BCAR3: variants seen among roughly 807,000 people sequenced by gnomAD.
The protein encoded by BCAR3 is BCAR3 adaptor protein, NSP family member.
BCAR3 carries 37 observed loss-of-function variants against 80.1 expected under a neutral mutation model. The ratio of observed to expected loss-of-function variants is 0.46; its 90% CI spans 0.36 to 0.61. The LOEUF (loss-of-function observed/expected upper bound fraction) is 0.61, where lower values mean the gene tolerates loss of function less well. Ranked by LOEUF, BCAR3 falls within the 20% of genes least tolerant of loss-of-function variation. The pLI is 0.00. For synonymous variants in BCAR3, 389 were observed against 418.9 expected, an observed-to-expected ratio of 0.93 and a Z score of 0.87; for missense variants, 978 against 1,068.2, an observed-to-expected ratio of 0.92 and a Z score of 1.18.
chr1:93,595,148 A>G (rs1362374159), intron 3 of BCAR3, among the ~76,000 whole-genome samples: 1 of 152,350 alleles, frequency 6.6e-6, no homozygotes, highest in East Asian at 1.9e-4. Flanking sequence ...TATTACAGGA[A>G]AGTACCTAGA....
At chr1:93,653,744 G>A (rs1343610583) in intron 2 of BCAR3, among the ~76,000 whole-genome samples, 1 of 152,226 alleles carries the variant, frequency 6.6e-6, no homozygotes, top group African/African-American at 2.4e-5. Flanking sequence ...ATCTGAGCTA[G>A]GTTTGGAGCA....
At chr1:93,822,032 G>T (rs552889138) in intron 2 of BCAR3, among the ~76,000 whole-genome samples, 4 of 152,268 alleles carry the variant, frequency 2.6e-5, no homozygotes, top group Admixed American at 2.6e-4. Flanking sequence ...AGGGAAGCTG[G>T]GATATGCTTG....
In BCAR3 at chr1:93,562,166, CAA is replaced by C. The variant is rs1461829668; in HGVS notation, c.*73_*74del. On this transcript the variant is annotated 3_prime_UTR_variant, in exon 12 of 12. Coordinates refer to ENST00000260502, the MANE Select transcript of BCAR3 (RefSeq NM_003567.4). The stretch of plus-strand genomic sequence containing the variant: ...TCAGATTTGCACATTATTACTTTAT[CAA>C]AAACAGTAAGCTTTCCCAAAGATGA... 3 of 1,471,828 alleles carry C rather than the reference CAA, an allele frequency of 2.0e-6. No homozygotes were observed. The East Asian group carries it at 6.8e-5, about 34-fold the overall frequency. The allele number at this position is 1,471,828 out of a possible 1,614,324, so 91.2% of individuals were successfully genotyped here.
chr1:93,655,569 T>C (rs236290), intron 2 of BCAR3, among the ~76,000 whole-genome samples: 1,960 of 152,286 alleles, frequency 0.013, 43 homozygotes, highest in African/African-American at 0.043. Flanking sequence ...TTGTTAACAA[T>C]GAATTAGCAA....
intron 3 of BCAR3, among the ~76,000 whole-genome samples, chr1:93,623,190 T>C (rs935011645): frequency 6.6e-6 from 1 of 152,206 alleles, no homozygotes; most frequent in African/African-American, 2.4e-5. Flanking sequence ...GAAAAGATTT[T>C]CTTTTTTTTC....
At chr1:93,804,287 T>C (rs2100793744) in intron 2 of BCAR3, among the ~76,000 whole-genome samples, 1 of 152,358 alleles carries the variant, frequency 6.6e-6, no homozygotes, top group African/African-American at 2.4e-5. Context: ...CTTGTAAAAA[T>C]GAAATTTTTG....
At chr1:93,626,730 C>T (rs967062322) in intron 3 of BCAR3, among the ~76,000 whole-genome samples, 2 of 152,300 alleles carry the variant, frequency 1.3e-5, no homozygotes, top group African/African-American at 2.4e-5. Flanking sequence ...GAGAATTACT[C>T]ACTTTATTAA....
intron 2 of BCAR3, among the ~76,000 whole-genome samples, chr1:93,666,672 C>A (rs1039865059): frequency 3.9e-4 from 60 of 152,190 alleles, no homozygotes; most frequent in Non-Finnish European, 1.2e-4. Context: ...ATATTAAGCA[C>A]AAGAACAATC....
chr1:93,826,684 T>C (rs1169555393), intron 2 of BCAR3, among the ~76,000 whole-genome samples: 1 of 152,108 alleles, frequency 6.6e-6, no homozygotes, highest in East Asian at 1.9e-4. Context: ...GCTAAAGGAA[T>C]ATATAACAGG....
At chr1:93,723,394 G>C (rs1214648776) in intron 2 of BCAR3, 1 of 152,412 alleles carries the variant, frequency 6.6e-6, no homozygotes, top group African/African-American at 2.4e-5. Context: ...TGGTCTGGCT[G>C]CTCCCTCCAC....
chr1:93,674,674 G>A lies in BCAR3; in HGVS notation c.257C>T (p.Thr86Ile). 1 of 1,614,098 alleles carries A rather than the reference G, an allele frequency of 6.2e-7. No individual in the cohort carries two copies. Among genetic ancestry groups the A allele is most frequent in the Non-Finnish European group, 8.5e-7 (1 of 1,180,024 alleles). Residue 86 changes from threonine to isoleucine, a missense_variant, in exon 2 of 12, where the codon ACC (threonine) becomes ATC (isoleucine). By Grantham distance (89) the Thr-to-Ile change is moderately conservative. Transcript: ENST00000260502. ...TGGGCTCTCCTGGATGCCATCCTGG[G>A]TCACAGGCGAGTTCTGCCGTGGGGA... ...SKSPRQNSPV[T>I]QDGIQESPWQ...
rs569215634 is a variant in BCAR3 at position 93,586,292 on chromosome 1, ATAAG to A, written c.930-2175_930-2172del. Among the ~76,000 whole-genome samples the A allele has an allele frequency of 8.1e-4, 124 of 152,332 alleles. No homozygotes were observed. The highest frequency in any genetic ancestry group is 2.7e-3 in the African/African-American group (113 of 41,578). Reference sequence around the variant, plus strand: ...TTGTTTTGACTTTTTGATCCCACAAATAAGTGAGAACATTTGTCTTTCTGTGTCT... The same window carrying A: ...TTGTTTTGACTTTTTGATCCCACAAATGAGAACATTTGTCTTTCTGTGTCT... On this transcript the variant is annotated intron_variant, in intron 5 of 11. Transcript: ENST00000260502. This position sits in a 1 kb window ranked among gnomAD's most constrained non-coding sequence, Gnocchi z 4.2.
At chr1:93,683,654 A>G (rs1240787889), upstream of BCAR3, among the ~76,000 whole-genome samples, 1 of 152,228 alleles carries the variant, frequency 6.6e-6, no homozygotes, top group Non-Finnish European at 1.5e-5. Flanking sequence ...TACAAATAGG[A>G]TATTGAGTGA....
chr1:93,671,288 C>T (rs756218765), intron 2 of BCAR3, among the ~76,000 whole-genome samples: 11 of 152,174 alleles, frequency 7.2e-5, no homozygotes, highest in Admixed American at 1.3e-4. Flanking sequence ...CCACCAAGCC[C>T]GGCCTATAAA....
At chr1:93,636,604 A>T (rs560647047) in intron 3 of BCAR3, among the ~76,000 whole-genome samples, 1 of 152,214 alleles carries the variant, frequency 6.6e-6, no homozygotes, top group East Asian at 1.9e-4. Context: ...CTACTTCACC[A>T]TATTTTCTAA....
At chr1:93,720,614 A>G (rs1301004315) in intron 2 of BCAR3, among the ~76,000 whole-genome samples, 2 of 152,194 alleles carry the variant, frequency 1.3e-5, no homozygotes, top group African/African-American at 4.8e-5. Context: ...TGCCTCCTCC[A>G]CAGGCCAAGA....
chr1:93,709,324 C>G (rs1649936798), intron 2 of BCAR3, among the ~76,000 whole-genome samples: 1 of 152,224 alleles, frequency 6.6e-6, no homozygotes, highest in Non-Finnish European at 1.5e-5. Flanking sequence ...TGCATCTCTT[C>G]TTCTTCCTGT....
intron 2 of BCAR3, among the ~76,000 whole-genome samples, chr1:93,748,887 T>A (rs1651448417): frequency 6.6e-6 from 1 of 152,184 alleles, no homozygotes; most frequent in South Asian, 2.1e-4. Context: ...GTCCTATGCT[T>A]CTTTTAGCTC....
Position 93,592,361 on chromosome 1 carries a change from G to GCAC in BCAR3, c.389_390insGTG (p.Thr130_Pro131insCys). 6.2e-7 allele frequency: 1 copy of GCAC among 1,605,536 alleles called. No individual in the cohort carries two copies. The highest frequency in any genetic ancestry group is 8.5e-7 in the Non-Finnish European group (1 of 1,179,414). ...CCAGCTCCTTCTTCAGTTTCTCGGG[G>GCAC]GTCCTGTCCATGATGTGCCTCTCCT... On this transcript the variant is annotated inframe_insertion, in exon 4 of 12. Coordinates refer to ENST00000260502, the MANE Select transcript of BCAR3 (RefSeq NM_003567.4). The surrounding 1 kb of genome is among the most constrained non-coding windows in gnomAD (Gnocchi z 4.8).
Sources: allele counts gnomAD v4.1 joint callset (sites outside exome capture counted in the v4.1 genomes callset), GRCh38; gene constraint gnomAD v4.1.1; non-coding constraint Gnocchi (gnomAD v3.1); transcripts MANE v1.5; gene names NCBI Gene and HGNC (gene_info 2026-07-23, HGNC 2026-07-21).